HSPG2: variants seen among roughly 807,000 people sequenced by gnomAD.
HSPG2 encodes basement membrane-specific heparan sulfate proteoglycan core protein.
In HSPG2, 278 loss-of-function variants were observed where a neutral mutation model predicts 526.6. That is an observed-to-expected ratio of 0.53 (90% CI 0.48 to 0.58). HSPG2 has a LOEUF of 0.58. HSPG2 is among the 20% of genes least tolerant of loss of function. The probability of loss-of-function intolerance (pLI) is 0.00; values close to 1 mark genes in which losing one functional copy is unlikely to be tolerated. For missense variants in HSPG2, 5,354 were observed against 6,099.5 expected, an observed-to-expected ratio of 0.88 and a Z score of 4.07; for synonymous variants, 2,465 against 2,555.4, an observed-to-expected ratio of 0.96 and a Z score of 1.07.
intron 1 of HSPG2, among the ~76,000 whole-genome samples, chr1:21,932,771 A>G (rs1644379263): frequency 6.6e-6 from 1 of 152,174 alleles, no homozygotes; most frequent in Non-Finnish European, 1.5e-5. Context: ...CATGCTCAAG[A>G]AACAAAGCCT....
At chr1:21,915,742 T>C (rs1024306804) in intron 1 of HSPG2, among the ~76,000 whole-genome samples, 6 of 152,192 alleles carry the variant, frequency 3.9e-5, no homozygotes, top group African/African-American at 9.6e-5. Context: ...CAAATGAGGC[T>C]AGTACCATCA....
At position 21,852,009 on chromosome 1, in the gene HSPG2, T is replaced by C; in HGVS notation, c.6870+79A>G. On this transcript the variant is annotated intron_variant, in intron 53 of 96. Transcript: ENST00000374695. ...ACCGCTGTCCCCCCGATCTAGGAAG[T>C]GCCAGCCCCTCAGCCTAGGGGCCAG... The C allele has an allele frequency of 7.4e-6, 12 of 1,610,978 alleles. No individual in the cohort carries two copies. The South Asian group carries it at 1.1e-4, about 15-fold the overall frequency.
At chr1:21,860,517 A>T (rs1639705007) in intron 39 of HSPG2, among the ~76,000 whole-genome samples, 1 of 152,084 alleles carries the variant, frequency 6.6e-6, no homozygotes, top group Non-Finnish European at 1.5e-5. Flanking sequence ...TTTGAGACAG[A>T]TTCTCGCTCT....
At position 21,873,415 on chromosome 1, in the gene HSPG2, A is replaced by AG. The variant is rs1194663490; in HGVS notation, c.3752dup (p.Gly1252TrpfsTer27). 6.2e-7 allele frequency: 1 copy of AG among 1,613,908 alleles called. No individual in the cohort carries two copies. The highest frequency in any genetic ancestry group is 1.3e-5 in the African/African-American group (1 of 74,878). ...CCTGGCTGGGGTTGCCATAGTAGCC[A>AG]GGGGCGCACCTGCAGAGAGAAAAAG... On this transcript the variant is annotated frameshift_variant, in exon 30 of 97. Transcript: ENST00000374695. LOFTEE classifies it high-confidence loss of function.
intron 1 of HSPG2, among the ~76,000 whole-genome samples, chr1:21,920,025 G>GC (rs1397587750): frequency 6.6e-6 from 1 of 152,206 alleles, no homozygotes; most frequent in Admixed American, 6.5e-5. Context: ...TACTGCTTCA[G>GC]CCTCCCAGGT....
At chr1:21,879,174 T>C (rs1641320800) in intron 17 of HSPG2, 53 bp from the exon 18 acceptor site, 3 of 1,610,598 alleles carry the variant, frequency 1.9e-6, no homozygotes, top group Non-Finnish European at 2.5e-6. Flanking sequence ...CTGGGCCAGA[T>C]GCTGCGGGGG....
chr1:21,865,872 G>A lies in HSPG2; in HGVS notation c.4222-63C>T, dbSNP rs564615698. ...TGGGGTGTGAGTGTTGGACCATATAGGTGAGGGATGGAGCATCTGGCGGCC... is the reference window on the plus strand; with the variant it reads ...TGGGGTGTGAGTGTTGGACCATATAAGTGAGGGATGGAGCATCTGGCGGCC... On this transcript the variant is annotated intron_variant, in intron 33 of 96. Transcript: ENST00000374695. The surrounding 1 kb of genome is among the most constrained non-coding windows in gnomAD (Gnocchi z 5.4). 3.9e-5 allele frequency: 49 copies of A among 1,269,096 alleles called. No homozygotes were observed. In the African/African-American group the frequency reaches 6.7e-4, roughly 17 times the overall value. The allele number at this position is 1,269,096 out of a possible 1,614,324, so 78.6% of individuals were successfully genotyped here.
rs80054070 is a variant in HSPG2, at chr1:21,913,774, C to T, written c.64-17464G>A. 4.3e-3 allele frequency among the ~76,000 whole-genome samples: 650 copies of T among 152,364 alleles called. 7 individuals are homozygous for T. The highest frequency in any genetic ancestry group is 0.015 in the African/African-American group (615 of 41,592). ...ATCTGATCCATCCAATCCCATCATA[C>T]GTGGATTCTGAGTCCCCAGTTTGGA... On this transcript the variant is annotated intron_variant, in intron 1 of 96. Transcript: ENST00000374695.
intron 1 of HSPG2, among the ~76,000 whole-genome samples, chr1:21,912,326 G>A (rs1376725452): frequency 1.3e-5 from 2 of 152,120 alleles, no homozygotes; most frequent in African/African-American, 2.4e-5. Context: ...AGGCACTTAC[G>A]AGGTGTAAGT....
intron 1 of HSPG2, among the ~76,000 whole-genome samples, chr1:21,900,085 T>C (rs1643007599): frequency 6.6e-6 from 1 of 152,122 alleles, no homozygotes; most frequent in Non-Finnish European, 1.5e-5. Flanking sequence ...CTCCAGCCCG[T>C]CTCCGGCGGT....
intron 33 of HSPG2, among the ~76,000 whole-genome samples, chr1:21,867,106 A>T (rs1405680050): frequency 1.9e-4 from 18 of 92,464 alleles, no homozygotes; most frequent in Middle Eastern, 8.3e-3. Flanking sequence ...GGGTCGCCCT[A>T]TGTTGCTCAG....
intron 33 of HSPG2, chr1:21,869,743 C>T (rs56013780): frequency 0.065 from 63,823 of 985,458 alleles, 2,176 homozygotes; most frequent in South Asian, 0.14. Flanking sequence ...CACCTCCCCA[C>T]GGGCCCAGCC....
At chr1:21,853,907 C>G in intron 50 of HSPG2, 1 of 488,096 alleles carries the variant, frequency 2.0e-6, no homozygotes. Context: ...AGGGGCAGAT[C>G]TGGGATTTGA....
chr1:21,829,724 A>G, intron 86 of HSPG2, 120 bp from the exon 87 acceptor site: 1 of 858,968 alleles, frequency 1.2e-6, no homozygotes, highest in Non-Finnish European at 1.8e-6. Flanking sequence ...GAGGCTCAGG[A>G]CCAGTTGGCA....
chr1:21,920,197 G>A (rs992942463), intron 1 of HSPG2, among the ~76,000 whole-genome samples: 4 of 152,214 alleles, frequency 2.6e-5, no homozygotes, highest in Non-Finnish European at 5.9e-5. Context: ...GTGAGCCACC[G>A]TGCGTGGCTG....
chr1:21,838,914 C>T lies in HSPG2; in HGVS notation c.10061G>A (p.Arg3354His), dbSNP rs776453694. The T allele has an allele frequency of 8.1e-5, 131 of 1,612,016 alleles. 2 individuals carry two copies. In the South Asian group the frequency reaches 9.3e-4, roughly 11 times the overall value. The change falls in exon 74 of 97, where the codon CGT becomes CAT. Residue 3354 changes from arginine (R) to histidine (H), a missense_variant. Transcript: ENST00000374695. ...GCGGCCTGAGTCCTCAGGGGCTGCACGCTCAAAGTGCAGCAGCTCGTTCCT... is the reference window on the plus strand; with the variant it reads ...GCGGCCTGAGTCCTCAGGGGCTGCATGCTCAAAGTGCAGCAGCTCGTTCCT... ...TARNELLHFE[R>H]AAPEDSGRYR...
At chr1:21,856,081 C>T (rs542539074) in intron 44 of HSPG2, among the ~76,000 whole-genome samples, 169 bp from the exon 45 acceptor site, 1 of 152,320 alleles carries the variant, frequency 6.6e-6, no homozygotes, top group South Asian at 2.1e-4. Flanking sequence ...TGTGACCTCC[C>T]ACCTTGAGAC....
intron 33 of HSPG2, among the ~76,000 whole-genome samples, chr1:21,871,259 T>TG (rs375089750): frequency 2.3e-4 from 1 of 4,378 alleles, no homozygotes; most frequent in African/African-American, 4.0e-4. Flanking sequence ...AGAGTATTTG[T>TG]TTTTTTTTTT....
chr1:21,842,554 A>G (rs1377080317), intron 67 of HSPG2, among the ~76,000 whole-genome samples, 174 bp from the exon 68 acceptor site: 1 of 152,180 alleles, frequency 6.6e-6, no homozygotes, highest in Non-Finnish European at 1.5e-5. Context: ...CTCACTTTAC[A>G]GTGGAGGAAA....
Sources: allele counts gnomAD v4.1 joint callset (sites outside exome capture counted in the v4.1 genomes callset), GRCh38; gene constraint gnomAD v4.1.1; non-coding constraint Gnocchi (gnomAD v3.1); transcripts MANE v1.5; gene names NCBI Gene and HGNC (gene_info 2026-07-23, HGNC 2026-07-21).